ESPNL: variants seen among roughly 807,000 people sequenced by gnomAD.
ESPNL encodes espin like.
In ESPNL, 49 loss-of-function variants were observed where a neutral mutation model predicts 46.8. That is an observed-to-expected ratio of 1.05 (90% CI 0.83 to 1.33). The LOEUF is 1.33. ESPNL is among the 40% of genes most tolerant of loss of function. The probability of loss-of-function intolerance (pLI) is 0.00; values close to 1 mark genes in which losing one functional copy is unlikely to be tolerated. For missense variants in ESPNL, 1,540 were observed against 1,436.6 expected, an observed-to-expected ratio of 1.07 and a Z score of -1.16; for synonymous variants, 664 against 662.1, an observed-to-expected ratio of 1.00 and a Z score of -0.04.
chr2:238,131,840 CCTCCAGTCCTACCAGTTAT>C lies in ESPNL; in HGVS notation c.*110_*128del. 1.6e-6 allele frequency: 2 copies of C among 1,216,218 alleles called. No homozygotes were observed. Among genetic ancestry groups the C allele is most frequent in the South Asian group, 2.9e-5 (2 of 68,122 alleles). 75.3% of individuals were successfully genotyped at this position (1,216,218 alleles called of 1,614,324 possible). A position where few individuals can be genotyped will look rare whatever the true frequency, so the allele number is the denominator to read the frequency against. Reference sequence around the variant, plus strand: ...TGTTCAGGTGAGCCGGGCAAGGCTGCCTCCAGTCCTACCAGTTATCGGAGGCTGCGGGACTGTTCTGTTG... The same window carrying C: ...TGTTCAGGTGAGCCGGGCAAGGCTGCCGGAGGCTGCGGGACTGTTCTGTTG... On this transcript the variant is annotated 3_prime_UTR_variant, in exon 9 of 9. Transcript: ENST00000343063.
Position 238,130,203 on chromosome 2 carries a change from C to T in ESPNL, c.1489C>T (p.Pro497Ser). Residue 497 changes from proline (P) to serine (S), a missense_variant, in exon 9 of 9, where the codon CCC becomes TCC. By Grantham distance (74) the Pro-to-Ser change is moderately conservative. Coordinates refer to ENST00000343063, the MANE Select transcript of ESPNL (RefSeq NM_194312.4). ...ACAGACTCATCAGGCCATCCTGGGG[C>T]CCTTTGGGGAGCTGCTGACAGAGGA... is the stretch of plus-strand genomic sequence containing the variant. ...YSQTHQAILGPFGELLTEDDL... is the reference protein window; with the variant it reads ...YSQTHQAILGSFGELLTEDDL... 1 of 1,612,392 alleles carries T rather than the reference C, an allele frequency of 6.2e-7. No homozygotes were observed. The highest frequency in any genetic ancestry group is 1.1e-5 in the South Asian group (1 of 90,858).
At chr2:238,127,498 G>A in intron 6 of ESPNL, 124 bp from the exon 7 acceptor site, 1 of 1,428,058 alleles carries the variant, frequency 7.0e-7, no homozygotes, top group Non-Finnish European at 9.2e-7. Flanking sequence ...GTGGGCTGGG[G>A]TCAGCTCCCA....
chr2:238,111,689 G>A (rs895255325), intron 4 of ESPNL, among the ~76,000 whole-genome samples: 1 of 152,128 alleles, frequency 6.6e-6, no homozygotes, highest in African/African-American at 2.4e-5. Context: ...ATCTGCTAAT[G>A]GACATTTGGG....
intron 4 of ESPNL, among the ~76,000 whole-genome samples, chr2:238,109,877 C>T (rs1292265280): frequency 6.6e-6 from 1 of 151,478 alleles, no homozygotes; most frequent in South Asian, 2.1e-4. Context: ...CATACGTTAC[C>T]GAGTGTCCCT....
intron 5 of ESPNL, among the ~76,000 whole-genome samples, chr2:238,120,529 G>A (rs1395921523): frequency 1.3e-5 from 2 of 152,296 alleles, no homozygotes; most frequent in Non-Finnish European, 2.9e-5. Flanking sequence ...GACGGGTCGT[G>A]TTAGGCTCGC....
At chr2:238,112,019 C>A (rs544200339) in intron 4 of ESPNL, among the ~76,000 whole-genome samples, 1 of 152,142 alleles carries the variant, frequency 6.6e-6, no homozygotes, top group Non-Finnish European at 1.5e-5. Context: ...TCAAAATATG[C>A]TATGAATTAG....
intron 3 of ESPNL, among the ~76,000 whole-genome samples, chr2:238,105,253 C>A (rs1691570337): frequency 6.6e-6 from 1 of 152,158 alleles, no homozygotes; most frequent in Admixed American, 6.5e-5. Flanking sequence ...CCCCCACCTT[C>A]CTCCACTTCT....
At position 238,131,234 on chromosome 2, in the gene ESPNL, G is replaced by T. The variant is rs1418570592; in HGVS notation, c.2520G>T (p.Leu840=). Residue 840 remains leucine (L), a synonymous_variant, in exon 9 of 9, where the codon CTG becomes CTT. Transcript: ENST00000343063. The stretch of plus-strand genomic sequence containing the variant: ...GGGCTTTGTCCCCCGAGCAGTTCCT[G>T]CCCCACGTGGACGGGGCTCCGGTGC... The part of the protein sequence containing the change: ...PRGALSPEQF[L]PHVDGAPVPY... The T allele has an allele frequency of 3.2e-6, 5 of 1,561,018 alleles. No homozygotes were observed. The South Asian group carries it at 3.5e-5, about 11-fold the overall frequency.
At chr2:238,124,599 A>ACGTGTGTGTGCAGGAGGGTACATG (rs1285773669) in intron 5 of ESPNL, among the ~76,000 whole-genome samples, 1 of 149,000 alleles carries the variant, frequency 6.7e-6, no homozygotes, top group South Asian at 2.1e-4. Flanking sequence ...AGGAGAGTGT[A>ACGTGTGTGTGCAGGAGGGTACATG]CGTGTGTGTG....
chr2:238,109,463 G>A (rs7592770), intron 4 of ESPNL, among the ~76,000 whole-genome samples: 60,259 of 152,024 alleles, frequency 0.4, 14,327 homozygotes, highest in East Asian at 0.67. Context: ...CAATCCTCCT[G>A]CCTCAGCCTC....
chr2:238,130,940 C>T lies in ESPNL; in HGVS notation c.2226C>T (p.Ile742=). The change falls in exon 9 of 9, where the codon ATC becomes ATT. Residue 742 remains isoleucine, a synonymous_variant. Transcript: ENST00000343063. The part of the protein sequence containing the change: ...DLASLRKERI[I]MLFLSHWRRS... ...CCAGCCTGCGCAAGGAGCGCATCAT[C>T]ATGCTCTTCCTCAGCCACTGGAGGA... 6.5e-7 allele frequency: 1 copy of T among 1,549,948 alleles called. No individual in the cohort carries two copies. Among genetic ancestry groups the T allele is most frequent in the Non-Finnish European group, 8.7e-7 (1 of 1,147,730 alleles).
At position 238,116,910 on chromosome 2, in the gene ESPNL, A is replaced by G. The variant is rs1050813537; in HGVS notation, c.863A>G (p.Gln288Arg). Residue 288 changes from glutamine to arginine, a missense_variant, in exon 5 of 9, where the codon CAG (glutamine) becomes CGG (arginine). Coordinates refer to ENST00000343063, the MANE Select transcript of ESPNL (RefSeq NM_194312.4). Reference sequence around the variant, plus strand: ...GTGCCCTCCTCACTGCAGTGCTGCCAGACCCTAGTCTCCCACCACGTGGAC... The same window carrying G: ...GTGCCCTCCTCACTGCAGTGCTGCCGGACCCTAGTCTCCCACCACGTGGAC... ...AAENGQMECC[Q>R]TLVSHHVDPS... is the part of the protein sequence containing the mutation. 3.7e-6 allele frequency: 6 copies of G among 1,612,540 alleles called. No homozygotes were observed. In the East Asian group the frequency reaches 1.3e-4, roughly 36 times the overall value.
In ESPNL at chr2:238,130,625, T is replaced by C; in HGVS notation, c.1911T>C (p.Pro637=). The part of the protein sequence containing the change: ...DTCREASASP[P]RSEAQRQIQE... ...GCAGGGAGGCCTCGGCCAGCCCCCCTCGGAGCGAGGCCCAGCGCCAGATCC... is the reference window on the plus strand; with the variant it reads ...GCAGGGAGGCCTCGGCCAGCCCCCCCCGGAGCGAGGCCCAGCGCCAGATCC... Residue 637 remains proline, a synonymous_variant, in exon 9 of 9, where the codon CCT becomes CCC. Coordinates refer to ENST00000343063, the MANE Select transcript of ESPNL (RefSeq NM_194312.4). 1.3e-6 allele frequency: 2 copies of C among 1,562,508 alleles called. No individual in the cohort carries two copies. The highest frequency in any genetic ancestry group is 8.7e-7 in the Non-Finnish European group (1 of 1,153,618).
chr2:238,125,121 C>T, intron 5 of ESPNL, 149 bp from the exon 6 acceptor site: 1 of 475,676 alleles, frequency 2.1e-6, no homozygotes, highest in Non-Finnish European at 3.8e-6. Flanking sequence ...CAAGGACCTG[C>T]CCCTCTCCTG....
In ESPNL at chr2:238,107,822, G is replaced by C; in HGVS notation, c.704G>C (p.Arg235Pro). Residue 235 changes from arginine (R) to proline (P), a missense_variant, in exon 4 of 9, where the codon CGG becomes CCG. Arg to Pro is a moderately radical substitution (Grantham distance 103). Coordinates refer to ENST00000343063, the MANE Select transcript of ESPNL (RefSeq NM_194312.4). The part of the protein sequence containing the change: ...VTFTDIGLTA[R>P]DNEGATALHF... ...TTCACCGACATCGGACTCACGGCAC[G>C]GGACAATGAGGGGGCCACGGCCCTG... 1 of 1,603,722 alleles carries C rather than the reference G, an allele frequency of 6.2e-7. No individual in the cohort carries two copies. The highest frequency in any genetic ancestry group is 8.5e-7 in the Non-Finnish European group (1 of 1,175,430).
Position 238,130,580 on chromosome 2 carries a change from C to A in ESPNL, c.1866C>A (p.Thr622=). 1.3e-6 allele frequency: 2 copies of A among 1,574,758 alleles called. No individual in the cohort carries two copies. Among genetic ancestry groups the A allele is most frequent in the East Asian group, 2.3e-5 (1 of 43,192 alleles). Residue 622 remains threonine (T), a synonymous_variant, in exon 9 of 9, where the codon ACC becomes ACA. Coordinates refer to ENST00000343063, the MANE Select transcript of ESPNL (RefSeq NM_194312.4). Reference sequence around the variant, plus strand: ...TACAGGGGGATGAGAAGCCATCCACCCGGCCCCTGCAGGACACCTGCAGGG... The same window carrying A: ...TACAGGGGGATGAGAAGCCATCCACACGGCCCCTGCAGGACACCTGCAGGG... ...GLVQGDEKPS[T]RPLQDTCREA... is the part of the protein sequence containing the mutation.
intron 6 of ESPNL, among the ~76,000 whole-genome samples, chr2:238,125,767 TTGGAGTGGAG>T (rs370332974): frequency 7.6e-4 from 111 of 146,388 alleles, no homozygotes; most frequent in African/African-American, 1.5e-3. Flanking sequence ...TGTGACCAGC[TTGGAGTGGAG>T]TGGAGTGGAG....
At chr2:238,104,498 C>A (rs1306932928) in intron 2 of ESPNL, among the ~76,000 whole-genome samples, 158 bp from the exon 3 acceptor site, 2 of 152,220 alleles carry the variant, frequency 1.3e-5, no homozygotes, top group African/African-American at 2.4e-5. Flanking sequence ...CCTGGGGGAG[C>A]AACCTGGAGG....
Position 238,131,857 on chromosome 2 carries a change from T to C in ESPNL, c.*125T>C. 9.6e-7 allele frequency: 1 copy of C among 1,044,326 alleles called. No homozygotes were observed. The highest frequency in any genetic ancestry group is 2.3e-5 in the Admixed American group (1 of 42,572). The allele number at this position is 1,044,326 out of a possible 1,614,324, so 64.7% of individuals were successfully genotyped here. On this transcript the variant is annotated 3_prime_UTR_variant, in exon 9 of 9. Coordinates refer to ENST00000343063, the MANE Select transcript of ESPNL (RefSeq NM_194312.4). ...CAAGGCTGCCTCCAGTCCTACCAGT[T>C]ATCGGAGGCTGCGGGACTGTTCTGT... is the stretch of plus-strand genomic sequence containing the variant.
Sources: gnomAD v4.1 joint callset for allele counts (sites outside exome capture counted in the v4.1 genomes callset) on GRCh38, gnomAD v4.1.1 for gene constraint, MANE v1.5 for transcripts, NCBI Gene and HGNC (gene_info 2026-07-23, HGNC 2026-07-21) for gene names.